UBE2G1: variants seen among roughly 807,000 people sequenced by gnomAD.
The protein encoded by UBE2G1 is ubiquitin conjugating enzyme E2 G1, also known as ubiquitin-conjugating enzyme E2 G1.
UBE2G1 carries 5 observed loss-of-function variants against 22.7 expected under a neutral mutation model. That is an observed-to-expected ratio of 0.22 (90% CI 0.12 to 0.46). The LOEUF is 0.46. Among genes scored for constraint, UBE2G1 ranks in the 20% least tolerant of loss-of-function variants. The pLI is 0.99. For missense variants in UBE2G1, 88 were observed against 203.9 expected, an observed-to-expected ratio of 0.43 and a Z score of 3.46; for synonymous variants, 74 against 67.5, an observed-to-expected ratio of 1.10 and a Z score of -0.47.
chr17:4,365,342 G>T (rs1432607579), intron 1 of UBE2G1, among the ~76,000 whole-genome samples: 1 of 152,216 alleles, frequency 6.6e-6, no homozygotes, highest in Non-Finnish European at 1.5e-5. Flanking sequence ...GCACACGGAC[G>T]TCTCCACTGC....
At chr17:4,307,877 G>A (rs535555918) in intron 1 of UBE2G1, among the ~76,000 whole-genome samples, 29 of 152,246 alleles carry the variant, frequency 1.9e-4, no homozygotes, top group African/African-American at 6.3e-4. Context: ...GGCAAGGTGG[G>A]GGCACACAGG....
chr17:4,301,125 T>A (rs139288353), intron 2 of UBE2G1, among the ~76,000 whole-genome samples: 325 of 152,358 alleles, frequency 2.1e-3, no homozygotes, highest in African/African-American at 7.4e-3. Flanking sequence ...ATGTGCTGTA[T>A]GCTGCCGTCT....
chr17:4,366,506 T>C lies in UBE2G1; in HGVS notation c.-190A>G. On this transcript the variant is annotated 5_prime_UTR_variant, in exon 1 of 6. Coordinates refer to ENST00000396981, the MANE Select transcript of UBE2G1 (RefSeq NM_003342.5). Reference sequence around the variant, plus strand: ...GTGCGAGTCCGCTCGCTTCAGCTCTTTTCACAGCGACTCACGCCCGGAAGG... The same window carrying C: ...GTGCGAGTCCGCTCGCTTCAGCTCTCTTCACAGCGACTCACGCCCGGAAGG... 4.2e-6 allele frequency: 2 copies of C among 476,734 alleles called. No homozygotes were observed. The allele number at this position is 476,734 out of a possible 1,614,324, so 29.5% of individuals were successfully genotyped here.
chr17:4,361,782 A>C (rs141451292), intron 1 of UBE2G1, among the ~76,000 whole-genome samples: 1 of 151,966 alleles, frequency 6.6e-6, no homozygotes, highest in Non-Finnish European at 1.5e-5. Context: ...TCTACTAAAA[A>C]TACAAAAAAT....
At chr17:4,304,985 C>T (rs1283402290) in intron 2 of UBE2G1, among the ~76,000 whole-genome samples, 3 of 145,482 alleles carry the variant, frequency 2.1e-5, no homozygotes, top group East Asian at 2.0e-4. Flanking sequence ...TAGAGTTCTG[C>T]TCTTGTTGCC....
chr17:4,297,704 T>A (rs970480071), intron 2 of UBE2G1, among the ~76,000 whole-genome samples: 12 of 152,352 alleles, frequency 7.9e-5, no homozygotes, highest in African/African-American at 2.4e-4. Flanking sequence ...CTGATTATCA[T>A]TCGGTACTCA....
intron 4 of UBE2G1, among the ~76,000 whole-genome samples, chr17:4,284,313 G>A (rs560602355): frequency 3.3e-5 from 5 of 151,266 alleles, no homozygotes; most frequent in African/African-American, 7.3e-5. Flanking sequence ...AATTAGAACC[G>A]CTAGGCTGGG....
rs1295995147 is a variant in UBE2G1, at chr17:4,307,140, G to C, written c.47-17C>G. The stretch of plus-strand genomic sequence containing the variant: ...TGTTGAGTTCTGTGGAAAAAGAAAA[G>C]TTTAATCAATACATTTAAGCACATA... On this transcript the variant is annotated splice_polypyrimidine_tract_variant and intron_variant, in intron 1 of 5. Coordinates refer to ENST00000396981, the MANE Select transcript of UBE2G1 (RefSeq NM_003342.5). The C allele has an allele frequency of 6.2e-6, 10 of 1,601,138 alleles. No homozygotes were observed. Among genetic ancestry groups the C allele is most frequent in the Non-Finnish European group, 8.6e-6 (10 of 1,168,808 alleles).
intron 2 of UBE2G1, among the ~76,000 whole-genome samples, chr17:4,300,923 ACT>A (rs1481989891): frequency 1.4e-5 from 2 of 147,932 alleles, no homozygotes; most frequent in Admixed American, 1.3e-4. Flanking sequence ...ACAGAGTCAG[ACT>A]CTGTTTTCAA....
intron 1 of UBE2G1, among the ~76,000 whole-genome samples, chr17:4,347,464 T>C (rs975440448): frequency 2.9e-5 from 4 of 135,910 alleles, no homozygotes; most frequent in Non-Finnish European, 4.6e-5. Flanking sequence ...CTCACAGTAT[T>C]TCTTCTTTTT....
intron 1 of UBE2G1, among the ~76,000 whole-genome samples, chr17:4,327,596 TTTA>T (rs1361405807): frequency 1.3e-5 from 2 of 152,268 alleles, no homozygotes; most frequent in Non-Finnish European, 2.9e-5. Flanking sequence ...TGTGTGTTTG[TTTA>T]TTAAGACTTA....
At position 4,269,648 on chromosome 17, in the gene UBE2G1, C is replaced by G. The variant is rs1045738; in HGVS notation, c.*2906G>C. 1 of 185,976 alleles carries G rather than the reference C, an allele frequency of 5.4e-6. No individual in the cohort carries two copies. The highest frequency in any genetic ancestry group is 1.1e-5 in the Non-Finnish European group (1 of 88,686). 11.5% of individuals were successfully genotyped at this position (185,976 alleles called of 1,614,324 possible). On this transcript the variant is annotated 3_prime_UTR_variant, in exon 6 of 6. Coordinates refer to ENST00000396981, the MANE Select transcript of UBE2G1 (RefSeq NM_003342.5). ...ACAAACATGTTACCTTAGTATGACA[C>G]GTCAACCTCATATGGATTTTAAACT...
At chr17:4,343,750 G>A (rs553279991) in intron 1 of UBE2G1, among the ~76,000 whole-genome samples, 38 of 151,892 alleles carry the variant, frequency 2.5e-4, no homozygotes, top group Non-Finnish European at 4.4e-4. Context: ...CACCACGCCC[G>A]GCTAATTTTT....
chr17:4,290,581 C>T (rs532505013), intron 3 of UBE2G1, among the ~76,000 whole-genome samples: 1 of 152,146 alleles, frequency 6.6e-6, no homozygotes, highest in Non-Finnish European at 1.5e-5. Context: ...AAACGATCCT[C>T]CTGCCTCAGC....
At chr17:4,328,208 C>G (rs1969524098) in intron 1 of UBE2G1, among the ~76,000 whole-genome samples, 1 of 152,156 alleles carries the variant, frequency 6.6e-6, no homozygotes. Context: ...ATCTGGTTCT[C>G]CCAGCTGAGA....
Position 4,330,082 on chromosome 17 carries a change from AGT to A in UBE2G1, c.47-22961_47-22960del, listed in dbSNP as rs148495497. On this transcript the variant is annotated intron_variant, in intron 1 of 5. Coordinates refer to ENST00000396981, the MANE Select transcript of UBE2G1 (RefSeq NM_003342.5). Reference sequence around the variant, plus strand: ...TTTTACACGTATGACGTAAAAGACTAGTTTAGCTAGACCACCCAGAGCCATGA... The same window carrying A: ...TTTTACACGTATGACGTAAAAGACTATTAGCTAGACCACCCAGAGCCATGA... Among the ~76,000 whole-genome samples the A allele has an allele frequency of 6.2e-3, 941 of 152,244 alleles. 6 individuals carry two copies. Among genetic ancestry groups the A allele is most frequent in the African/African-American group, 0.021 (886 of 41,518 alleles).
At chr17:4,296,667 T>C (rs1969116784) in intron 3 of UBE2G1, 50 bp downstream of exon 3, 1 of 1,538,420 alleles carries the variant, frequency 6.5e-7, no homozygotes, top group Non-Finnish European at 9.0e-7. Flanking sequence ...AACACTTCAA[T>C]AACAGGCCAT....
intron 4 of UBE2G1, among the ~76,000 whole-genome samples, chr17:4,284,813 C>CTTTTCTTTTTT (rs1968939297): frequency 8.2e-6 from 1 of 122,016 alleles, no homozygotes; most frequent in African/African-American, 3.1e-5. Flanking sequence ...ATTTCTTTTT[C>CTTTTCTTTTTT]TTTTTCTTTT....
At chr17:4,292,314 CAAA>C (rs35054040) in intron 3 of UBE2G1, among the ~76,000 whole-genome samples, 80 of 108,688 alleles carry the variant, frequency 7.4e-4, no homozygotes, top group Non-Finnish European at 1.1e-3. Context: ...GACTCTGTCT[CAAA>C]AAAAAAAAAA....
Sources: allele counts gnomAD v4.1 joint callset (sites outside exome capture counted in the v4.1 genomes callset), GRCh38; gene constraint gnomAD v4.1.1; transcripts MANE v1.5; gene names NCBI Gene and HGNC (gene_info 2026-07-23, HGNC 2026-07-21).